The following LRRTM4 variants were observed in gnomAD, a reference collection of about 807,000 sequenced individuals.
LRRTM4 encodes the protein leucine rich repeat transmembrane neuronal 4.
A neutral mutation model predicts 47.6 loss-of-function variants in LRRTM4; 25 were observed. The observed-to-expected ratio is 0.53, with a 90% CI of 0.38 to 0.73. The LOEUF is 0.73. LRRTM4 is among the 30% of genes least tolerant of loss of function. LRRTM4 has a pLI of 0.00. For missense variants in LRRTM4, 638 were observed against 713.4 expected (o/e 0.89, Z 1.20); for synonymous variants, 311 against 269.5 (o/e 1.15, Z -1.51).
At chr2:77,198,583 A>T (rs1190709403) in intron 3 of LRRTM4, among the ~76,000 whole-genome samples, 1 of 152,224 alleles carries the variant, frequency 6.6e-6, no homozygotes, top group East Asian at 1.9e-4. Flanking sequence ...AGATAAAGGA[A>T]TGAAAGTTTA....
intron 3 of LRRTM4, among the ~76,000 whole-genome samples, chr2:77,508,034 A>G (rs561317326): frequency 2.8e-4 from 43 of 152,230 alleles, no homozygotes; most frequent in African/African-American, 1.0e-3. Flanking sequence ...ACAGAAGTCT[A>G]ATTTGAATCA....
intron 3 of LRRTM4, among the ~76,000 whole-genome samples, chr2:76,782,470 T>G (rs1674454747): frequency 6.6e-6 from 1 of 152,238 alleles, no homozygotes; most frequent in South Asian, 2.1e-4. Flanking sequence ...TAAGCAAATA[T>G]TCACAACACT....
intron 3 of LRRTM4, among the ~76,000 whole-genome samples, chr2:77,086,476 ATT>A (rs762359320): frequency 2.8e-4 from 37 of 131,072 alleles, no homozygotes; most frequent in African/African-American, 5.0e-4. Context: ...ACATATAATA[ATT>A]TTTTTTTTTT....
chr2:76,919,183 G>A (rs72821277), intron 3 of LRRTM4, among the ~76,000 whole-genome samples: 14,856 of 152,096 alleles, frequency 0.098, 1,248 homozygotes, highest in East Asian at 0.46. Context: ...TTTTGGTGGG[G>A]GGAGGTTGGC....
In LRRTM4 at chr2:77,290,964, G is replaced by A. The variant is rs114114607; in HGVS notation, c.1551+227354C>T. Among the ~76,000 whole-genome samples the A allele has an allele frequency of 4.5e-3, 680 of 152,118 alleles. 6 individuals are homozygous for A. Among genetic ancestry groups the A allele is most frequent in the African/African-American group, 0.016 (647 of 41,524 alleles). ...CATCTTCCAATCTCAATATACATAAGAGTCCCAGAGGAGGACATTACTGCT... is the reference window on the plus strand; with the variant it reads ...CATCTTCCAATCTCAATATACATAAAAGTCCCAGAGGAGGACATTACTGCT... On this transcript the variant is annotated intron_variant, in intron 3 of 3. Transcript: ENST00000409884.
At chr2:77,433,728 C>T (rs559711024) in intron 3 of LRRTM4, among the ~76,000 whole-genome samples, 124 of 152,160 alleles carry the variant, frequency 8.1e-4, no homozygotes, top group South Asian at 2.1e-3. Flanking sequence ...TTGGAGTTTT[C>T]AAATGTTGAA....
intron 3 of LRRTM4, among the ~76,000 whole-genome samples, chr2:76,978,331 A>G (rs1676486262): frequency 6.6e-6 from 1 of 152,062 alleles, no homozygotes; most frequent in African/African-American, 2.4e-5. Context: ...AAACAGAATG[A>G]AAGCACATGC....
At chr2:77,217,493 A>G (rs1352902142) in intron 3 of LRRTM4, among the ~76,000 whole-genome samples, 1 of 123,088 alleles carries the variant, frequency 8.1e-6, no homozygotes, top group Non-Finnish European at 1.6e-5. Context: ...TTAAAAAGAT[A>G]ATATACCAAT....
Position 77,311,406 on chromosome 2 carries a change from C to G in LRRTM4, c.1551+206912G>C, listed in dbSNP as rs549096246. Among the ~76,000 whole-genome samples, 3 of 152,070 alleles carry G rather than the reference C, an allele frequency of 2.0e-5. No homozygotes were observed. In the South Asian group the frequency reaches 6.2e-4, roughly 32 times the overall value. On this transcript the variant is annotated intron_variant, in intron 3 of 3. Coordinates refer to ENST00000409884, the MANE Select transcript of LRRTM4 (RefSeq NM_001134745.3). ...TGTTGATGTGGGAGAAAATGGAGTA[C>G]CTGGGTGAAGAGCATAGTCTCAGGA...
intron 3 of LRRTM4, among the ~76,000 whole-genome samples, chr2:77,478,455 T>A (rs751174165): frequency 6.6e-6 from 1 of 152,232 alleles, no homozygotes; most frequent in Non-Finnish European, 1.5e-5. Context: ...ACTTTTTATA[T>A]GTAAACTTTT....
At chr2:76,764,895 C>T (rs1179673344) in intron 3 of LRRTM4, among the ~76,000 whole-genome samples, 2 of 152,184 alleles carry the variant, frequency 1.3e-5, no homozygotes, top group African/African-American at 2.4e-5. Flanking sequence ...AGACTGATTG[C>T]TCCTTGGTTT....
intron 3 of LRRTM4, among the ~76,000 whole-genome samples, chr2:77,221,181 G>T (rs1263132038): frequency 6.6e-6 from 1 of 152,162 alleles, no homozygotes; most frequent in East Asian, 1.9e-4. Flanking sequence ...CACCAGGCCT[G>T]CCCTAAAAGA....
At position 76,752,853 on chromosome 2, in the gene LRRTM4, C is replaced by T. The variant is rs80343544; in HGVS notation, c.1552-3937G>A. On this transcript the variant is annotated intron_variant, in intron 3 of 3. Transcript: ENST00000409884. ...TGTAAATGTGTTCTCAGAGCCTCTC[C>T]AAATGGTTCTGTGTTCCATCAGCTC... Among the ~76,000 whole-genome samples, 1,170 of 152,158 alleles carry T rather than the reference C, an allele frequency of 7.7e-3. 21 individuals are homozygous for T. The highest frequency in any genetic ancestry group is 0.026 in the African/African-American group (1,094 of 41,536).
At chr2:77,195,304 A>T (rs1673779155) in intron 3 of LRRTM4, among the ~76,000 whole-genome samples, 1 of 151,950 alleles carries the variant, frequency 6.6e-6, no homozygotes, top group South Asian at 2.1e-4. Context: ...TATTAACATT[A>T]TAAATATTTA....
intron 3 of LRRTM4, among the ~76,000 whole-genome samples, chr2:77,291,653 AG>A (rs1381435452): frequency 6.6e-6 from 1 of 152,090 alleles, no homozygotes; most frequent in Non-Finnish European, 1.5e-5. Context: ...ATTTTTTAAA[AG>A]CATTGTATTT....
intron 3 of LRRTM4, among the ~76,000 whole-genome samples, chr2:77,060,695 T>C (rs1222301543): frequency 6.6e-6 from 1 of 152,174 alleles, no homozygotes; most frequent in Non-Finnish European, 1.5e-5. Flanking sequence ...GAGTTTATGA[T>C]TAAAATATGG....
intron 3 of LRRTM4, among the ~76,000 whole-genome samples, chr2:76,863,039 A>G (rs1277098634): frequency 6.6e-6 from 1 of 152,146 alleles, no homozygotes; most frequent in African/African-American, 2.4e-5. Flanking sequence ...TCAAAATTGG[A>G]AGCATTTAGC....
At chr2:77,122,774 A>C (rs918905668) in intron 3 of LRRTM4, among the ~76,000 whole-genome samples, 1 of 151,918 alleles carries the variant, frequency 6.6e-6, no homozygotes, top group Non-Finnish European at 1.5e-5. Context: ...CTCCCAAAAA[A>C]TATGGGACAA....
At chr2:77,224,727 G>C (rs1193911465) in intron 3 of LRRTM4, among the ~76,000 whole-genome samples, 1 of 152,126 alleles carries the variant, frequency 6.6e-6, no homozygotes, top group Non-Finnish European at 1.5e-5. Context: ...TGCTGGAGAG[G>C]ATGTGGAGAA....
Sources: gnomAD v4.1 joint callset for allele counts (sites outside exome capture counted in the v4.1 genomes callset) on GRCh38, gnomAD v4.1.1 for gene constraint, MANE v1.5 for transcripts, NCBI Gene and HGNC (gene_info 2026-07-23, HGNC 2026-07-21) for gene names.